MTA3: variants seen among roughly 807,000 people sequenced by gnomAD.
MTA3 encodes metastasis associated 1 family member 3, also known as metastasis-associated protein MTA3.
In MTA3, 34 loss-of-function variants were observed where a neutral mutation model predicts 83.5. The ratio of observed to expected loss-of-function variants is 0.41; its 90% CI spans 0.31 to 0.54. The LOEUF is 0.54. Among genes scored for constraint, MTA3 ranks in the 20% least tolerant of loss-of-function variants. The pLI is 0.33. For synonymous variants in MTA3, 303 were observed against 252.7 expected, an observed-to-expected ratio of 1.20 and a Z score of -1.89; for missense variants, 761 against 726.4, an observed-to-expected ratio of 1.05 and a Z score of -0.55.
intron 2 of MTA3, among the ~76,000 whole-genome samples, chr2:42,523,614 T>C (rs1675531102): frequency 6.6e-6 from 1 of 152,124 alleles, no homozygotes; most frequent in Admixed American, 6.6e-5. Context: ...GAAATTCTCT[T>C]TGAAACAGTA....
intron 4 of MTA3, among the ~76,000 whole-genome samples, chr2:42,622,310 G>C (rs1035291501): frequency 9.9e-5 from 15 of 151,802 alleles, no homozygotes; most frequent in African/African-American, 3.6e-4. Context: ...GCAGGCTGAG[G>C]CAGGAGAATC....
At chr2:42,596,032 A>G (rs938364079) in intron 3 of MTA3, among the ~76,000 whole-genome samples, 3 of 152,236 alleles carry the variant, frequency 2.0e-5, no homozygotes, top group African/African-American at 7.2e-5. Flanking sequence ...ATAAAAGAAC[A>G]ATAAAAGGTC....
At position 42,602,082 on chromosome 2, in the gene MTA3, C is replaced by T. The variant is rs768504660; in HGVS notation, c.191-7376C>T. ...TCTCGAACTCCTGACCTCAGGTGAT[C>T]CACCCATCTTGGCCCCCCAAAGTGT... On this transcript the variant is annotated intron_variant, in intron 3 of 16. Coordinates refer to ENST00000405094, the MANE Select transcript of MTA3 (RefSeq NM_001330442.2). Among the ~76,000 whole-genome samples, 5 of 152,324 alleles carry T rather than the reference C, an allele frequency of 3.3e-5. No homozygotes were observed. The East Asian group carries it at 9.6e-4, about 29-fold the overall frequency.
At chr2:42,646,411 A>T (rs1290626148) in intron 6 of MTA3, among the ~76,000 whole-genome samples, 2 of 152,208 alleles carry the variant, frequency 1.3e-5, no homozygotes, top group African/African-American at 4.8e-5. Context: ...CCTCTGATGG[A>T]TCTGAGTAGT....
intron 4 of MTA3, among the ~76,000 whole-genome samples, chr2:42,614,880 G>C (rs568961648): frequency 1.5e-4 from 23 of 151,940 alleles, no homozygotes; most frequent in Middle Eastern, 6.8e-3. Flanking sequence ...GGGAAGTTGA[G>C]GTAGGAGGAT....
chr2:42,497,904 T>C (rs543148694), intron 2 of MTA3, among the ~76,000 whole-genome samples: 12 of 152,316 alleles, frequency 7.9e-5, no homozygotes, highest in Non-Finnish European at 1.3e-4. Context: ...ATAAGTGAAT[T>C]GATTTGTCTA....
At chr2:42,640,999 C>T (rs1172865039) in intron 5 of MTA3, among the ~76,000 whole-genome samples, 8 of 152,128 alleles carry the variant, frequency 5.3e-5, no homozygotes, top group Admixed American at 1.3e-4. Flanking sequence ...CTCCGCCTCC[C>T]GGGTTCAAGC....
At chr2:42,571,802 C>T (rs945977528) in intron 2 of MTA3, among the ~76,000 whole-genome samples, 1 of 151,804 alleles carries the variant, frequency 6.6e-6, no homozygotes, top group African/African-American at 2.4e-5. Context: ...ACAAAATTAG[C>T]TGAGTGTGTT....
chr2:42,532,308 C>A (rs544364891), intron 2 of MTA3, among the ~76,000 whole-genome samples: 4 of 152,198 alleles, frequency 2.6e-5, no homozygotes, highest in African/African-American at 9.6e-5. Context: ...GTCAGTAGTT[C>A]AAGACTAGCC....
In MTA3 at chr2:42,514,195, G is replaced by A. The variant is rs111969751; in HGVS notation, c.-141+18941G>A. On this transcript the variant is annotated intron_variant, in intron 2 of 17. Coordinates refer to the MTA3 transcript ENST00000405592. The stretch of plus-strand genomic sequence containing the variant: ...GCCACTGCACTCCAAGCTGGGCGAC[G>A]GAATGAGACTCCGTCTCAAAAAAAA... 3.7e-3 allele frequency among the ~76,000 whole-genome samples: 555 copies of A among 152,046 alleles called. 5 individuals are homozygous for A. Among genetic ancestry groups the A allele is most frequent in the African/African-American group, 0.013 (522 of 41,486 alleles).
intron 2 of MTA3, among the ~76,000 whole-genome samples, chr2:42,525,650 T>TTTC (rs1675674954): frequency 7.5e-6 from 1 of 132,844 alleles, no homozygotes; most frequent in Non-Finnish European, 1.6e-5. Flanking sequence ...TTCTTTCTTT[T>TTTC]TTTCCTTCTT....
intron 11 of MTA3, among the ~76,000 whole-genome samples, chr2:42,698,075 G>T (rs894746990): frequency 1.3e-5 from 2 of 152,156 alleles, no homozygotes; most frequent in African/African-American, 4.8e-5. Flanking sequence ...TTAAATCAAA[G>T]CTGCAGGGAA....
intron 16 of MTA3, among the ~76,000 whole-genome samples, chr2:42,743,129 A>G (rs1277720813): frequency 2.6e-5 from 4 of 152,200 alleles, no homozygotes; most frequent in Non-Finnish European, 1.5e-5. Context: ...AATCAGAAAG[A>G]ATCCTGGAGA....
At chr2:42,537,358 G>A (rs1207422731) in intron 2 of MTA3, among the ~76,000 whole-genome samples, 1 of 152,094 alleles carries the variant, frequency 6.6e-6, no homozygotes, top group Non-Finnish European at 1.5e-5. Context: ...GAGGTCAGGG[G>A]TTCGAGACCA....
chr2:42,755,093 C>T lies in MTA3; in HGVS notation c.*1694C>T. On this transcript the variant is annotated 3_prime_UTR_variant, in exon 17 of 17. Coordinates refer to ENST00000405094, the MANE Select transcript of MTA3 (RefSeq NM_001330442.2). Reference sequence around the variant, plus strand: ...CAGGCAGGGGTTCTCCTCAGGGTTCCCACTGAGGGGTCCCTTCAGCAAAGA... The same window carrying T: ...CAGGCAGGGGTTCTCCTCAGGGTTCTCACTGAGGGGTCCCTTCAGCAAAGA... 1 of 985,392 alleles carries T rather than the reference C, an allele frequency of 1.0e-6. No individual in the cohort carries two copies. 61.0% of individuals were successfully genotyped at this position (985,392 alleles called of 1,614,324 possible).
intron 9 of MTA3, among the ~76,000 whole-genome samples, chr2:42,689,296 A>G (rs1692668738): frequency 6.6e-6 from 1 of 152,224 alleles, no homozygotes; most frequent in African/African-American, 2.4e-5. Flanking sequence ...TTGATAAACT[A>G]AGACTTAATA....
At chr2:42,652,585 A>G (rs112825411) in intron 6 of MTA3, among the ~76,000 whole-genome samples, 2,210 of 152,154 alleles carry the variant, frequency 0.015, 54 homozygotes, top group African/African-American at 0.049. Flanking sequence ...GCCTCAAATG[A>G]TCCTCCTACC....
At position 42,675,134 on chromosome 2, in the gene MTA3, C is replaced by A. The variant is rs531521315; in HGVS notation, c.703-7267C>A. On this transcript the variant is annotated intron_variant, in intron 8 of 16. Transcript: ENST00000405094. Reference sequence around the variant, plus strand: ...TAGTTTCAAAATTCCTTTTCTATTTCTTTTCTTTTTTCTTTTTTTTGAGAC... The same window carrying A: ...TAGTTTCAAAATTCCTTTTCTATTTATTTTCTTTTTTCTTTTTTTTGAGAC... Among the ~76,000 whole-genome samples, 62 of 151,728 alleles carry A rather than the reference C, an allele frequency of 4.1e-4. No homozygotes were observed. The South Asian group carries it at 9.0e-3, about 22-fold the overall frequency.
intron 2 of MTA3, among the ~76,000 whole-genome samples, chr2:42,505,309 T>C (rs1674582904): frequency 1.3e-5 from 2 of 152,098 alleles, no homozygotes; most frequent in Admixed American, 6.6e-5. Context: ...GGAGAATCGC[T>C]TGAACCTGGT....
Sources: gnomAD v4.1 joint callset for allele counts (sites outside exome capture counted in the v4.1 genomes callset) on GRCh38, gnomAD v4.1.1 for gene constraint, MANE v1.5 for transcripts, NCBI Gene and HGNC (gene_info 2026-07-23, HGNC 2026-07-21) for gene names.